HTN1: variants seen among roughly 807,000 people sequenced by gnomAD.
HTN1 encodes histatin-1.
In HTN1, 18 loss-of-function variants were observed where a neutral mutation model predicts 11.2. That is an observed-to-expected ratio of 1.61 (90% CI 1.12 to 2.39). HTN1 has a LOEUF of 2.39. HTN1 is among the 30% of genes most tolerant of loss of function. The pLI is 0.00. For missense variants in HTN1, 80 were observed against 67.2 expected, an observed-to-expected ratio of 1.19 and a Z score of -0.67; for synonymous variants, 21 against 20.5, an observed-to-expected ratio of 1.02 and a Z score of -0.07.
chr4:70,055,440 A>C (rs1236869135), intron 4 of HTN1, 58 bp from the exon 5 acceptor site: 1 of 1,207,488 alleles, frequency 8.3e-7, no homozygotes, highest in East Asian at 2.3e-5. Context: ...TTTGAGAAAC[A>C]CTTGTATTGT....
intron 1 of HTN1, among the ~76,000 whole-genome samples, chr4:70,051,563 A>G (rs1473419648): frequency 6.6e-6 from 1 of 152,174 alleles, no homozygotes; most frequent in African/African-American, 2.4e-5. Context: ...ATTGACAATC[A>G]TTAACAACAG....
chr4:70,053,448 A>G (rs1403454119), intron 2 of HTN1, among the ~76,000 whole-genome samples: 3 of 152,170 alleles, frequency 2.0e-5, no homozygotes, highest in South Asian at 4.1e-4. Context: ...GACCATCTGA[A>G]GTTAGAAATC....
intron 2 of HTN1, 138 bp from the exon 3 acceptor site, chr4:70,054,184 T>A (rs1438826377): frequency 1.9e-6 from 1 of 533,718 alleles, no homozygotes; most frequent in African/African-American, 2.0e-5. Flanking sequence ...AAAGCTAAAA[T>A]AACTAATTTA....
chr4:70,055,232 A>G (rs73824786), intron 4 of HTN1, among the ~76,000 whole-genome samples: 3 of 152,194 alleles, frequency 2.0e-5, no homozygotes, highest in African/African-American at 7.2e-5. Flanking sequence ...AACCCTGGTT[A>G]GAGAGGTTAC....
rs545712957 is a variant in HTN1, at chr4:70,055,703, A to G, written c.*33+101A>G. On this transcript the variant is annotated intron_variant, in intron 5 of 5. Transcript: ENST00000246896. The stretch of plus-strand genomic sequence containing the variant: ...ACCATTCCAGTTTAAGAAATGTAGC[A>G]TGGGTTAGCTCCTTGAAGTGTATTC... The G allele has an allele frequency of 1.9e-5, 12 of 617,664 alleles. No homozygotes were observed. The East Asian group carries it at 2.0e-4, about 10-fold the overall frequency. The allele number at this position is 617,664 out of a possible 1,614,324, so 38.3% of individuals were successfully genotyped here. A position where few individuals can be genotyped will look rare whatever the true frequency, so the allele number is the denominator to read the frequency against.
In HTN1 at chr4:70,055,603, G is replaced by C; in HGVS notation, c.*33+1G>C. 2.3e-6 allele frequency: 3 copies of C among 1,299,726 alleles called. No homozygotes were observed. The highest frequency in any genetic ancestry group is 3.3e-6 in the Non-Finnish European group (3 of 898,770). The allele number at this position is 1,299,726 out of a possible 1,614,324, so 80.5% of individuals were successfully genotyped here. A position where few individuals can be genotyped will look rare whatever the true frequency, so the allele number is the denominator to read the frequency against. The stretch of plus-strand genomic sequence containing the variant: ...GTAATCATGGGGCATGATTATAGAG[G>C]TAAGCTGACTCTAGTTGCTTGTCTT... On this transcript the variant is annotated splice_donor_variant, in intron 5 of 5. Coordinates refer to ENST00000246896, the MANE Select transcript of HTN1 (RefSeq NM_002159.4). LOFTEE classifies it low-confidence loss of function (3UTR_SPLICE).
intron 2 of HTN1, among the ~76,000 whole-genome samples, chr4:70,054,061 T>A (rs1189093864): frequency 6.6e-6 from 1 of 152,116 alleles, no homozygotes; most frequent in East Asian, 1.9e-4. Flanking sequence ...TATTCACCAG[T>A]GACAGACTTT....
chr4:70,052,822 G>T (rs534956084), intron 1 of HTN1: 3 of 312,484 alleles, frequency 9.6e-6, no homozygotes, highest in Admixed American at 4.5e-5. Flanking sequence ...GAAAAAATTC[G>T]CTGGGCATGG....
chr4:70,053,517 G>A (rs577087119), intron 2 of HTN1, among the ~76,000 whole-genome samples: 1 of 152,174 alleles, frequency 6.6e-6, no homozygotes, highest in African/African-American at 2.4e-5. Flanking sequence ...GTCAAAATAG[G>A]AATTTTCAAG....
intron 2 of HTN1, among the ~76,000 whole-genome samples, chr4:70,054,009 TA>T (rs1460473404): frequency 6.6e-6 from 1 of 152,144 alleles, no homozygotes. Context: ...CATATTCATA[TA>T]AAAAACAATC....
chr4:70,056,108 T>C (rs1318861416), intron 5 of HTN1: 1 of 152,286 alleles, frequency 6.6e-6, no homozygotes, highest in Non-Finnish European at 1.5e-5. Flanking sequence ...TTGTGTCCTT[T>C]CTTATTTCCT....
chr4:70,050,682 G>C (rs1348575001), intron 1 of HTN1, among the ~76,000 whole-genome samples, 187 bp downstream of exon 1: 1 of 151,834 alleles, frequency 6.6e-6, no homozygotes, highest in Non-Finnish European at 1.5e-5. Flanking sequence ...ATTTCTAATA[G>C]GACTGTTCAA....
intron 2 of HTN1, 94 bp downstream of exon 2, chr4:70,053,221 C>G: frequency 1.3e-6 from 1 of 767,806 alleles, no homozygotes; most frequent in Admixed American, 2.3e-5. Flanking sequence ...CTCATGTTGA[C>G]CTCAATACAG....
chr4:70,058,200 A>T (rs1262926014), intron 5 of HTN1: 3 of 152,160 alleles, frequency 2.0e-5, no homozygotes, highest in Non-Finnish European at 2.9e-5. Flanking sequence ...TGATATCAGA[A>T]AAAGCCTGAT....
At position 70,050,496 on chromosome 4, in the gene HTN1, G is replaced by T. The variant is rs1488658377; in HGVS notation, c.-14+1G>T. 6.6e-6 allele frequency: 1 copy of T among 152,100 alleles called. No homozygotes were observed. Among genetic ancestry groups the T allele is most frequent in the Non-Finnish European group, 1.5e-5 (1 of 68,006 alleles). The allele number at this position is 152,100 out of a possible 1,614,324, so 9.4% of individuals were successfully genotyped here. On this transcript the variant is annotated splice_donor_variant, in intron 1 of 5. Coordinates refer to ENST00000246896, the MANE Select transcript of HTN1 (RefSeq NM_002159.4). LOFTEE classifies it low-confidence loss of function (5UTR_SPLICE). ...TCTTGACTCTCCTCTTGAGTAAAAG[G>T]TAATATGTTCAAGTACAATCTAATA...
intron 1 of HTN1, among the ~76,000 whole-genome samples, chr4:70,051,700 G>A (rs1725898261): frequency 6.6e-6 from 1 of 151,998 alleles, no homozygotes; most frequent in Non-Finnish European, 1.5e-5. Flanking sequence ...ATTTAATTGA[G>A]TGAAGCAAAA....
intron 5 of HTN1, chr4:70,057,252 T>A (rs896461513): frequency 2.0e-5 from 3 of 152,214 alleles, no homozygotes; most frequent in African/African-American, 7.2e-5. Context: ...TGGATGAAGC[T>A]GGAAGCCATC....
intron 2 of HTN1, among the ~76,000 whole-genome samples, chr4:70,053,950 A>C (rs1271958665): frequency 6.6e-6 from 1 of 152,208 alleles, no homozygotes; most frequent in African/African-American, 2.4e-5. Context: ...GCCTGTCTCT[A>C]TCAGCAAATA....
intron 2 of HTN1, among the ~76,000 whole-genome samples, chr4:70,053,830 A>G (rs1163123686): frequency 6.6e-6 from 1 of 152,112 alleles, no homozygotes. Context: ...CTAAATTCTA[A>G]TGAATGTTTC....
Sources: gnomAD v4.1 joint callset for allele counts (sites outside exome capture counted in the v4.1 genomes callset) on GRCh38, gnomAD v4.1.1 for gene constraint, MANE v1.5 for transcripts, NCBI Gene and HGNC (gene_info 2026-07-23, HGNC 2026-07-21) for gene names.